Variants in PTCH1 observed in about 807,000 individuals in gnomAD.
PTCH1 encodes patched 1.
A neutral mutation model predicts 144.6 loss-of-function variants in PTCH1; 14 were observed. That is an observed-to-expected ratio of 0.10 (90% CI 0.06 to 0.15). PTCH1 has a LOEUF of 0.15. Ranked by LOEUF, PTCH1 falls within the 10% of genes least tolerant of loss-of-function variation. PTCH1 has a pLI of 1.00. For missense variants in PTCH1, 1,623 were observed against 1,948.3 expected (o/e 0.83, Z 3.14); for synonymous variants, 833 against 793.6 (o/e 1.05, Z -0.83).
At chr9:95,467,493 C>G in intron 14 of PTCH1, 68 bp from the exon 15 acceptor site, 2 of 1,509,398 alleles carry the variant, frequency 1.3e-6, no homozygotes, top group African/African-American at 1.4e-5. Flanking sequence ...CAAAGAGAAG[C>G]TGTCTAGTTA....
chr9:95,516,419 G>C (rs1844365595), intron 1 of PTCH1: 1 of 1,337,814 alleles, frequency 7.5e-7, no homozygotes, highest in Non-Finnish European at 9.5e-7. Context: ...CGAGGAGCAC[G>C]GCGCGCGAGG....
At chr9:95,492,320 T>C (rs1471813300) in intron 2 of PTCH1, among the ~76,000 whole-genome samples, 3 of 152,176 alleles carry the variant, frequency 2.0e-5, no homozygotes, top group South Asian at 2.1e-4. Flanking sequence ...GTCGTGGTTT[T>C]TTTACTGGTA....
Position 95,485,906 on chromosome 9 carries a change from G to C in PTCH1, c.395-32C>G, listed in dbSNP as rs376941050. ...AATATGTACAGGTTTAATTAGAATA[G>C]CAAAATCACTGCAAACTCATGTTTT... On this transcript the variant is annotated intron_variant, in intron 2 of 23. Transcript: ENST00000331920. 108 of 1,610,640 alleles carry C rather than the reference G, an allele frequency of 6.7e-5. No individual in the cohort carries two copies. The African/African-American group carries it at 1.4e-3, about 20-fold the overall frequency.
chr9:95,516,607 C>G (rs764700860), exon 1 of PTCH1: 4 of 1,601,384 alleles, frequency 2.5e-6, no homozygotes, highest in East Asian at 2.2e-5. Flanking sequence ...CCAGTCTTCC[C>G]TCGTCTCCCC....
intron 5 of PTCH1, chr9:95,481,694 AT>A (rs1299564133): frequency 1.9e-6 from 1 of 539,604 alleles, no homozygotes; most frequent in Non-Finnish European, 3.3e-6. Context: ...AATAATTTGC[AT>A]TTTATTTGCA....
chr9:95,452,358 A>ACACACACACACAC (rs1239066232), intron 20 of PTCH1: 1 of 94,030 alleles, frequency 1.1e-5, no homozygotes, highest in Non-Finnish European at 2.4e-5. Context: ...CACACACACA[A>ACACACACACACAC]CCTCTCAGTA....
At chr9:95,506,672 A>ACCCGCCCGCTTGCGCGCT in intron 1 of PTCH1, 73 bp from the exon 2 acceptor site, 1 of 1,387,198 alleles carries the variant, frequency 7.2e-7, no homozygotes, top group Non-Finnish European at 9.5e-7. Flanking sequence ...GCTTGCGCGC[A>ACCCGCCCGCTTGCGCGCT]CCCGCCCGGT....
rs769743412 is a variant in PTCH1 at position 95,447,326 on chromosome 9, G to C, written c.3930C>G (p.Gly1310=). 2 of 1,613,400 alleles carry C rather than the reference G, an allele frequency of 1.2e-6. No homozygotes were observed. Among genetic ancestry groups the C allele is most frequent in the Non-Finnish European group, 1.7e-6 (2 of 1,179,970 alleles). ...GCGGTCTGTAGGGGGGTGGCCACAA[G>C]CCTTCTCTGGGGGGGTCCCTGCGGG... ...QQPRRDPPRE[G]LWPPPYRPRR... The change falls in exon 23 of 24, where the codon GGC becomes GGG. Residue 1310 remains glycine, a synonymous_variant. Coordinates refer to ENST00000331920, the MANE Select transcript of PTCH1 (RefSeq NM_000264.5).
At chr9:95,479,501 T>G (rs922789118) in intron 7 of PTCH1, among the ~76,000 whole-genome samples, 1 of 152,180 alleles carries the variant, frequency 6.6e-6, no homozygotes, top group African/African-American at 2.4e-5. Context: ...TCCCAGACGG[T>G]GGCGTTCCCA....
At chr9:95,516,767 C>G (rs1207256670) in exon 1 of PTCH1, 1 of 1,612,992 alleles carries the variant, frequency 6.2e-7, no homozygotes, top group South Asian at 1.1e-5. Flanking sequence ...AGGCTTTCGG[C>G]GGAGTGCAGC....
At position 95,480,494 on chromosome 9, in the gene PTCH1, T is replaced by C. The variant is rs2118420301; in HGVS notation, c.841A>G (p.Met281Val). ...TGACCAACCTCAGCCTTATTCAGCA[T>C]TTCCTCCCAGCTGTCCACTTGATAG... is the stretch of plus-strand genomic sequence containing the variant. ...INYQVDSWEE[M>V]LNKAEVGHGY... The change falls in exon 6 of 24, where the codon ATG becomes GTG. Residue 281 changes from methionine (M) to valine (V), a missense_variant. Met to Val is a conservative substitution (Grantham distance 21). This residue lies in a region of PTCH1 where 230 missense variants were observed against 271.0 expected (regional missense o/e 0.85). Coordinates refer to ENST00000331920, the MANE Select transcript of PTCH1 (RefSeq NM_000264.5). 2.5e-6 allele frequency: 4 copies of C among 1,612,950 alleles called. No homozygotes were observed. The highest frequency in any genetic ancestry group is 3.4e-6 in the Non-Finnish European group (4 of 1,179,858).
chr9:95,506,982 C>T (rs1309757165), intron 1 of PTCH1: 3 of 1,003,032 alleles, frequency 3.0e-6, no homozygotes. Flanking sequence ...GCGATGGAGC[C>T]CAAGGTTCAG....
intron 2 of PTCH1, among the ~76,000 whole-genome samples, chr9:95,491,391 A>G (rs1160383923): frequency 6.6e-6 from 1 of 152,220 alleles, no homozygotes; most frequent in Non-Finnish European, 1.5e-5. Context: ...GATAACAGGG[A>G]TAACAAATGC....
intron 12 of PTCH1, among the ~76,000 whole-genome samples, chr9:95,472,413 G>A (rs1840666063): frequency 6.6e-6 from 1 of 152,218 alleles, no homozygotes; most frequent in East Asian, 1.9e-4. Context: ...CTGTGGACGG[G>A]GTTAGGACAC....
intron 1 of PTCH1, chr9:95,516,322 G>T: frequency 4.5e-6 from 2 of 439,900 alleles, no homozygotes; most frequent in Non-Finnish European, 6.0e-6. Flanking sequence ...GCCCCGGCGC[G>T]CGGCCCGCCC....
rs1382563617 is a variant in PTCH1 at position 95,456,269 on chromosome 9, C to T, written c.3306+7G>A. 6.2e-7 allele frequency: 1 copy of T among 1,613,520 alleles called. No homozygotes were observed. The highest frequency in any genetic ancestry group is 8.5e-7 in the Non-Finnish European group (1 of 1,180,022). On this transcript the variant is annotated splice_region_variant and intron_variant, in intron 19 of 23. Coordinates refer to ENST00000331920, the MANE Select transcript of PTCH1 (RefSeq NM_000264.5). ...CACAAAGTTTTTGCTTCAAATGTCTCCCATACCAAAGCAACGTGAACGGTG... is the reference window on the plus strand; with the variant it reads ...CACAAAGTTTTTGCTTCAAATGTCTTCCATACCAAAGCAACGTGAACGGTG...
upstream of PTCH1, among the ~76,000 whole-genome samples, chr9:95,509,366 G>C (rs927449184): frequency 2.6e-5 from 4 of 152,178 alleles, no homozygotes; most frequent in African/African-American, 4.8e-5. Flanking sequence ...CTCGCGGAGG[G>C]CAGAAATTAC....
intron 15 of PTCH1, among the ~76,000 whole-genome samples, chr9:95,463,232 G>A (rs1159394972): frequency 6.6e-6 from 1 of 152,062 alleles, no homozygotes; most frequent in Non-Finnish European, 1.5e-5. Flanking sequence ...GAAGTGTGGG[G>A]AGGGAGGGGG....
intron 15 of PTCH1, among the ~76,000 whole-genome samples, chr9:95,465,508 A>G (rs1450608677): frequency 2.0e-5 from 3 of 152,238 alleles, no homozygotes; most frequent in African/African-American, 7.2e-5. Flanking sequence ...TTAATAAATA[A>G]TAATCATGGC....
Sources: gnomAD v4.1 joint callset for allele counts (sites outside exome capture counted in the v4.1 genomes callset) on GRCh38, gnomAD v4.1.1 for gene constraint, gnomAD v4.1.1 regional missense constraint, MANE v1.5 for transcripts, NCBI Gene and HGNC (gene_info 2026-07-23, HGNC 2026-07-21) for gene names.